The following PLCG2 variants were observed in gnomAD, a reference collection of about 807,000 sequenced individuals.
PLCG2 encodes the protein 1-phosphatidylinositol 4,5-bisphosphate phosphodiesterase gamma-2.
PLCG2 carries 69 observed loss-of-function variants against 175.6 expected under a neutral mutation model. The observed-to-expected ratio is 0.39, with a 90% CI of 0.32 to 0.48. The LOEUF (loss-of-function observed/expected upper bound fraction) is 0.48, where lower values mean the gene tolerates loss of function less well. PLCG2 is among the 20% of genes least tolerant of loss of function. The pLI is 0.91. For missense variants in PLCG2, 1,798 were observed against 1,650.9 expected (o/e 1.09, Z -1.54); for synonymous variants, 827 against 624.0 (o/e 1.33, Z -4.85).
intron 2 of PLCG2, among the ~76,000 whole-genome samples, chr16:81,835,055 C>G (rs1198727132): frequency 1.4e-5 from 2 of 144,300 alleles, no homozygotes; most frequent in Non-Finnish European, 3.1e-5. Flanking sequence ...GTGGAGGTAC[C>G]CAAAGAGGAG....
At chr16:81,866,799 C>G (rs753535545) in intron 5 of PLCG2, among the ~76,000 whole-genome samples, 139 of 152,234 alleles carry the variant, frequency 9.1e-4, no homozygotes, top group Non-Finnish European at 1.7e-3. Context: ...GGCTCCTCTC[C>G]CCACGACCCC....
At chr16:81,908,356 C>G in intron 16 of PLCG2, 60 bp from the exon 17 acceptor site, 1 of 1,479,748 alleles carries the variant, frequency 6.8e-7, no homozygotes, top group Non-Finnish European at 9.3e-7. Context: ...AAGGACCTGT[C>G]TAGTGATGCT....
intron 2 of PLCG2, among the ~76,000 whole-genome samples, chr16:81,822,636 A>T (rs1337945936): frequency 6.6e-6 from 1 of 151,828 alleles, no homozygotes. Context: ...GTGTACCTGT[A>T]ATCCCAGCTA....
chr16:81,923,740 G>T (rs1910150783), intron 22 of PLCG2, 146 bp downstream of exon 22: 3 of 563,184 alleles, frequency 5.3e-6, no homozygotes, highest in African/African-American at 3.7e-5. Context: ...TTCTTAGGAA[G>T]GTGGCTTGGT....
chr16:81,785,890 C>A, intron 1 of PLCG2, 53 bp from the exon 2 acceptor site: 3 of 1,137,292 alleles, frequency 2.6e-6, no homozygotes, highest in South Asian at 1.5e-5. Flanking sequence ...GCCCTGTTAA[C>A]TAAACCCCTT....
At chr16:81,930,581 C>T (rs1012028913) in intron 24 of PLCG2, among the ~76,000 whole-genome samples, 1 of 151,950 alleles carries the variant, frequency 6.6e-6, no homozygotes, top group Non-Finnish European at 1.5e-5. Context: ...AAACCCCTCT[C>T]TACAAAAAAT....
At chr16:81,854,973 C>G (rs7186146) in intron 3 of PLCG2, among the ~76,000 whole-genome samples, 39,510 of 151,734 alleles carry the variant, frequency 0.26, 5,627 homozygotes, top group Non-Finnish European at 0.32. Flanking sequence ...ACTTTGGGAG[C>G]CTGAGGCGGG....
chr16:81,959,445 G>C lies in PLCG2; in HGVS notation c.*1447G>C. On this transcript the variant is annotated 3_prime_UTR_variant, in exon 33 of 33. Coordinates refer to ENST00000564138, the MANE Select transcript of PLCG2 (RefSeq NM_002661.5). ...GCCAAATACAGTGCCAAGATTTGGGGGTGTGGATGTTTAAACAAAAAGCTG... is the reference window on the plus strand; with the variant it reads ...GCCAAATACAGTGCCAAGATTTGGGCGTGTGGATGTTTAAACAAAAAGCTG... 1 of 219,576 alleles carries C rather than the reference G, an allele frequency of 4.6e-6. No individual in the cohort carries two copies. 13.6% of individuals were successfully genotyped at this position (219,576 alleles called of 1,614,324 possible).
intron 31 of PLCG2, among the ~76,000 whole-genome samples, chr16:81,950,366 C>G (rs1304658190): frequency 6.6e-6 from 1 of 152,046 alleles, no homozygotes; most frequent in Non-Finnish European, 1.5e-5. Context: ...TGCTTGTTTT[C>G]TAAAGGGATA....
At chr16:81,812,339 G>A (rs149918750) in intron 2 of PLCG2, among the ~76,000 whole-genome samples, 4 of 152,164 alleles carry the variant, frequency 2.6e-5, no homozygotes, top group African/African-American at 7.2e-5. Flanking sequence ...GTGAGCCACC[G>A]CACCCGGCCT....
chr16:81,759,301 T>A (rs1909991342), intron 2 of PLCG2, among the ~76,000 whole-genome samples: 1 of 152,164 alleles, frequency 6.6e-6, no homozygotes, highest in African/African-American at 2.4e-5. Context: ...CACATCCTCA[T>A]GCTAAGATAT....
intron 2 of PLCG2, among the ~76,000 whole-genome samples, chr16:81,839,215 G>A (rs1363869998): frequency 6.6e-6 from 1 of 152,122 alleles, no homozygotes; most frequent in Non-Finnish European, 1.5e-5. Flanking sequence ...TTGATTTAAA[G>A]AAAACTATCA....
rs71146052 is a variant in PLCG2 at position 81,877,973 on chromosome 16, ATTTTTTT to A, written c.649-2917_649-2911del. The stretch of plus-strand genomic sequence containing the variant: ...TCCAAATCTCCCTCTTTTTTTTTTA[ATTTTTTT>A]TTTTTTTTTTTTTTTTTTTGAGAGG... On this transcript the variant is annotated intron_variant, in intron 7 of 32. Coordinates refer to ENST00000564138, the MANE Select transcript of PLCG2 (RefSeq NM_002661.5). 5.2e-4 allele frequency among the ~76,000 whole-genome samples: 29 copies of A among 55,758 alleles called. 1 individual carries two copies. The South Asian group carries it at 0.018, about 36-fold the overall frequency. 36.6% of individuals were successfully genotyped at this position (55,758 alleles called of 152,430 possible).
chr16:81,845,234 C>T (rs940925262), intron 2 of PLCG2, among the ~76,000 whole-genome samples: 7 of 152,190 alleles, frequency 4.6e-5, no homozygotes, highest in Admixed American at 4.6e-4. Flanking sequence ...AGCCATTGTT[C>T]CCTGTCCCGT....
At chr16:81,834,484 C>A (rs761723120) in intron 2 of PLCG2, among the ~76,000 whole-genome samples, 2 of 152,082 alleles carry the variant, frequency 1.3e-5, no homozygotes, top group Non-Finnish European at 2.9e-5. Flanking sequence ...TCCCCTTCTG[C>A]AAAATGGAGT....
At chr16:81,852,351 G>A (rs1033650171) in intron 2 of PLCG2, among the ~76,000 whole-genome samples, 2 of 152,136 alleles carry the variant, frequency 1.3e-5, no homozygotes, top group Non-Finnish European at 2.9e-5. Flanking sequence ...GGCCCCTGCT[G>A]TCGCCTTCAG....
chr16:81,852,130 C>G (rs572036880), intron 2 of PLCG2: 1 of 152,230 alleles, frequency 6.6e-6, no homozygotes, highest in Non-Finnish European at 1.5e-5. Context: ...TTCAAAGGTA[C>G]ACCAGGGTTT....
intron 2 of PLCG2, among the ~76,000 whole-genome samples, chr16:81,795,121 A>G (rs1014612263): frequency 3.3e-5 from 5 of 152,244 alleles, no homozygotes; most frequent in Non-Finnish European, 7.3e-5. Context: ...CACTGGGGAT[A>G]AAGTAGTGAA....
intron 14 of PLCG2, among the ~76,000 whole-genome samples, chr16:81,902,856 T>TA (rs1447463778): frequency 6.6e-6 from 1 of 152,086 alleles, no homozygotes; most frequent in Non-Finnish European, 1.5e-5. Context: ...AGTCACATCT[T>TA]ACATGGTGGC....
Sources: allele counts gnomAD v4.1 joint callset (sites outside exome capture counted in the v4.1 genomes callset), GRCh38; gene constraint gnomAD v4.1.1; transcripts MANE v1.5; gene names NCBI Gene and HGNC (gene_info 2026-07-23, HGNC 2026-07-21).